Variants in PTPRC observed in about 807,000 individuals in gnomAD.
PTPRC encodes protein tyrosine phosphatase receptor type C.
A neutral mutation model predicts 155.9 loss-of-function variants in PTPRC; 44 were observed. That is an observed-to-expected ratio of 0.28 (90% CI 0.22 to 0.36). PTPRC has a LOEUF of 0.36. PTPRC is among the 10% of genes least tolerant of loss of function. PTPRC has a pLI of 1.00. For synonymous variants in PTPRC, 525 were observed against 533.1 expected (o/e 0.98, Z 0.21); for missense variants, 1,401 against 1,564.6 (o/e 0.90, Z 1.76).
intron 2 of PTPRC, among the ~76,000 whole-genome samples, chr1:198,645,995 C>A (rs893640560): frequency 2.0e-5 from 3 of 151,690 alleles, no homozygotes; most frequent in African/African-American, 7.3e-5. Flanking sequence ...TTTAAAAGCT[C>A]CTATTGGTAG....
At chr1:198,718,336 A>G (rs1163313674) in intron 14 of PTPRC, 34 bp downstream of exon 14, 1 of 1,489,220 alleles carries the variant, frequency 6.7e-7, no homozygotes. Flanking sequence ...CTATAGTACC[A>G]ACTACATTAT....
intron 7 of PTPRC, 153 bp downstream of exon 7, chr1:198,703,525 T>G: frequency 8.2e-7 from 1 of 1,217,572 alleles, no homozygotes. Flanking sequence ...AGGAAGATAT[T>G]TCTCTGCTTA....
At position 198,706,962 on chromosome 1, in the gene PTPRC, A is replaced by G; in HGVS notation, c.904+10A>G. The G allele has an allele frequency of 6.4e-7, 1 of 1,568,312 alleles. No individual in the cohort carries two copies. The highest frequency in any genetic ancestry group is 8.8e-7 in the Non-Finnish European group (1 of 1,139,020). ...TTAGATGTGCCACCAGGTAAATATC[A>G]ATTTATTTCTTTTAATAAATTTATA... is the stretch of plus-strand genomic sequence containing the variant. On this transcript the variant is annotated intron_variant, in intron 9 of 32. Transcript: ENST00000442510.
intron 20 of PTPRC, 47 bp downstream of exon 20, chr1:198,732,603 C>A: frequency 1.4e-6 from 2 of 1,398,374 alleles, no homozygotes; most frequent in Non-Finnish European, 2.0e-6. Flanking sequence ...TTTCATTCAG[C>A]TCCTTGTTTG....
chr1:198,725,513 G>A, intron 15 of PTPRC, among the ~76,000 whole-genome samples: 1 of 152,122 alleles, frequency 6.6e-6, no homozygotes, highest in East Asian at 1.9e-4. Flanking sequence ...TGAAAAAGTG[G>A]TTCTTCTCAC....
Position 198,756,060 on chromosome 1 carries a change from C to A in PTPRC, c.3800C>A (p.Ala1267Asp). The A allele has an allele frequency of 1.2e-6, 2 of 1,613,436 alleles. No homozygotes were observed. The highest frequency in any genetic ancestry group is 2.2e-5 in the East Asian group (1 of 44,820). ...QDANCVNPLG[A>D]PEKLPEAKEQ... ...GCTAATTGTGTTAATCCACTTGGTG[C>A]CCCAGAAAAGCTCCCTGAAGCAAAG... The change falls in exon 33 of 33, where the codon GCC (alanine) becomes GAC (aspartate). Residue 1267 changes from alanine to aspartate, a missense_variant. Transcript: ENST00000442510.
intron 2 of PTPRC, among the ~76,000 whole-genome samples, chr1:198,653,724 A>G (rs1175806381): frequency 6.6e-6 from 1 of 151,934 alleles, no homozygotes; most frequent in Non-Finnish European, 1.5e-5. Flanking sequence ...TATTCTTTAC[A>G]TTTTAAAACA....
intron 2 of PTPRC, among the ~76,000 whole-genome samples, chr1:198,682,037 C>T (rs947447751): frequency 6.6e-6 from 1 of 152,154 alleles, no homozygotes; most frequent in Admixed American, 6.5e-5. Context: ...TATAAAGACT[C>T]AGAATAAGAA....
chr1:198,686,620 C>G (rs1571832486), intron 2 of PTPRC, among the ~76,000 whole-genome samples: 1 of 152,142 alleles, frequency 6.6e-6, no homozygotes, highest in East Asian at 1.9e-4. Flanking sequence ...ATTGCTATGT[C>G]ACATATTTTG....
chr1:198,735,298 A>C, intron 23 of PTPRC, 46 bp downstream of exon 23: 1 of 1,436,646 alleles, frequency 7.0e-7, no homozygotes, highest in Non-Finnish European at 9.6e-7. Flanking sequence ...CTTTTTTATA[A>C]AAATATAATT....
At chr1:198,662,477 T>A (rs200470598) in intron 2 of PTPRC, among the ~76,000 whole-genome samples, 19 of 59,450 alleles carry the variant, frequency 3.2e-4, no homozygotes, top group East Asian at 1.1e-3. Context: ...TGTGTGTGTG[T>A]GAGAGTGTGT....
intron 12 of PTPRC, among the ~76,000 whole-genome samples, chr1:198,713,834 A>C (rs184474985): frequency 6.6e-6 from 1 of 152,238 alleles, no homozygotes; most frequent in Admixed American, 6.5e-5. Flanking sequence ...GAATTCTGTC[A>C]CTCTGTGCTG....
At chr1:198,695,630 T>C (rs1018935087) in intron 3 of PTPRC, among the ~76,000 whole-genome samples, 2 of 152,110 alleles carry the variant, frequency 1.3e-5, no homozygotes, top group African/African-American at 4.8e-5. Context: ...CATTGTACAC[T>C]CATGTCAACT....
At position 198,743,067 on chromosome 1, in the gene PTPRC, C is replaced by CAAAAAAAAAAAAAA. The variant is rs10628640; in HGVS notation, c.2697+708_2697+721dup. 5.3e-5 allele frequency among the ~76,000 whole-genome samples: 4 copies of CAAAAAAAAAAAAAA among 75,952 alleles called. 1 individual carries two copies. The highest frequency in any genetic ancestry group is 1.0e-4 in the Non-Finnish European group (4 of 39,954). The allele number at this position is 75,952 out of a possible 152,430, so 49.8% of individuals were successfully genotyped here. On this transcript the variant is annotated intron_variant, in intron 25 of 32. Coordinates refer to ENST00000442510, the MANE Select transcript of PTPRC (RefSeq NM_002838.5). Reference sequence around the variant, plus strand: ...ATTGCATTCAGCATTGTCAAAATAGCAAAAAAAAAAAAAAAAAAAAAGTGA... The same window carrying CAAAAAAAAAAAAAA: ...ATTGCATTCAGCATTGTCAAAATAGCAAAAAAAAAAAAAAAAAAAAAAAAAAAAAAAAAAAGTGA...
intron 9 of PTPRC, 72 bp downstream of exon 9, chr1:198,707,024 G>A: frequency 4.8e-6 from 6 of 1,260,058 alleles, no homozygotes; most frequent in Non-Finnish European, 6.9e-6. Flanking sequence ...TTCTCCAGTG[G>A]TCACAGGAGC....
At chr1:198,644,709 CA>C (rs1359222564) in intron 2 of PTPRC, among the ~76,000 whole-genome samples, 1 of 151,774 alleles carries the variant, frequency 6.6e-6, no homozygotes, top group Non-Finnish European at 1.5e-5. Flanking sequence ...GTGAAGTAAA[CA>C]AGCATCTTCT....
chr1:198,699,859 A>G (rs1666383641), intron 5 of PTPRC, 155 bp downstream of exon 5: 4 of 963,142 alleles, frequency 4.2e-6, no homozygotes, highest in Non-Finnish European at 6.5e-6. Context: ...ATATGAAACC[A>G]CAGAACAAAT....
rs777344995 is a variant in PTPRC at position 198,728,362 on chromosome 1, A to G, written c.1743A>G (p.Ala581=). Residue 581 remains alanine, a synonymous_variant, in exon 16 of 33, where the codon GCA becomes GCG. Transcript: ENST00000442510. ...STSYNSKALI[A]FLAFLIIVTS... ...TAGATAATTCTAAGGCACTGATAGC[A>G]TTTCTGGCATTTCTGATTATTGTGA... 1.6e-5 allele frequency: 25 copies of G among 1,612,820 alleles called. No individual in the cohort carries two copies. The Admixed American group carries it at 3.8e-4, about 25-fold the overall frequency.
At chr1:198,706,515 C>T (rs1261978871) in intron 8 of PTPRC, among the ~76,000 whole-genome samples, 1 of 152,120 alleles carries the variant, frequency 6.6e-6, no homozygotes, top group East Asian at 1.9e-4. Context: ...AGACACTTAT[C>T]TGGTAATCAT....
Sources: allele counts gnomAD v4.1 joint callset (sites outside exome capture counted in the v4.1 genomes callset), GRCh38; gene constraint gnomAD v4.1.1; transcripts MANE v1.5; gene names NCBI Gene and HGNC (gene_info 2026-07-23, HGNC 2026-07-21).